Variants in PDS5A observed in about 807,000 individuals in gnomAD.
The protein encoded by PDS5A is sister chromatid cohesion protein PDS5 homolog A.
PDS5A carries 42 observed loss-of-function variants against 167.1 expected under a neutral mutation model. The ratio of observed to expected loss-of-function variants is 0.25; its 90% CI spans 0.20 to 0.33. The LOEUF (loss-of-function observed/expected upper bound fraction) is 0.33, where lower values mean the gene tolerates loss of function less well. Ranked by LOEUF, PDS5A falls within the 10% of genes least tolerant of loss-of-function variation. PDS5A has a pLI of 1.00. For synonymous variants in PDS5A, 553 were observed against 554.6 expected (o/e 1.00, Z 0.04); for missense variants, 1,033 against 1,605.9 (o/e 0.64, Z 6.10).
intron 2 of PDS5A, chr4:39,973,543 A>G: frequency 7.6e-7 from 1 of 1,312,558 alleles, no homozygotes; most frequent in Non-Finnish European, 1.1e-6. Context: ...TACAATCACT[A>G]GTGCAAAGGC....
chr4:39,971,528 T>C (rs1478958398), intron 2 of PDS5A, among the ~76,000 whole-genome samples: 1 of 152,088 alleles, frequency 6.6e-6, no homozygotes, highest in African/African-American at 2.4e-5. Context: ...AGTGGCATAA[T>C]GCCTCACTGC....
At chr4:39,957,643 G>A (rs1345238051) in intron 2 of PDS5A, among the ~76,000 whole-genome samples, 3 of 151,990 alleles carry the variant, frequency 2.0e-5, no homozygotes, top group Admixed American at 6.6e-5. Flanking sequence ...AAAATTAGCC[G>A]GGCGTGGTGG....
intron 26 of PDS5A, among the ~76,000 whole-genome samples, chr4:39,854,633 CCCACAATAGCAG>C: frequency 6.6e-6 from 1 of 152,150 alleles, no homozygotes; most frequent in Non-Finnish European, 1.5e-5. Context: ...TCTAGGTACT[CCCACAATAGCAG>C]AGCATATATC....
intron 2 of PDS5A, among the ~76,000 whole-genome samples, chr4:39,963,914 T>TC (rs1560523280): frequency 6.6e-6 from 1 of 151,888 alleles, no homozygotes; most frequent in African/African-American, 2.4e-5. Context: ...AAATTAGCTT[T>TC]TTTTTCCCCC....
intron 2 of PDS5A, among the ~76,000 whole-genome samples, chr4:39,959,953 A>G (rs903435940): frequency 3.9e-5 from 6 of 152,082 alleles, no homozygotes; most frequent in African/African-American, 1.4e-4. Flanking sequence ...TTAGGTGGGC[A>G]TGGTGGTACG....
chr4:39,941,361 A>G (rs1727208219), intron 2 of PDS5A, among the ~76,000 whole-genome samples: 2 of 152,234 alleles, frequency 1.3e-5, no homozygotes, highest in Admixed American at 1.3e-4. Context: ...AGACAAAGTG[A>G]GTTCTGAATT....
chr4:39,975,177 G>A (rs929349413), intron 2 of PDS5A, among the ~76,000 whole-genome samples: 1 of 151,958 alleles, frequency 6.6e-6, no homozygotes, highest in South Asian at 2.1e-4. Context: ...TACTTGGGAG[G>A]CTGAGGCAGA....
intron 17 of PDS5A, among the ~76,000 whole-genome samples, chr4:39,885,541 G>C (rs760849071): frequency 1.3e-5 from 2 of 152,086 alleles, no homozygotes; most frequent in Non-Finnish European, 2.9e-5. Flanking sequence ...ACAACAGTGA[G>C]CCAGGATCGT....
rs745431846 is a variant in PDS5A, at chr4:39,862,936, T to C, written c.2904A>G (p.Ala968=). 1 of 1,613,408 alleles carries C rather than the reference T, an allele frequency of 6.2e-7. No individual in the cohort carries two copies. The highest frequency in any genetic ancestry group is 8.5e-7 in the Non-Finnish European group (1 of 1,179,744). ...TGATATTTTTCAGTAAACATTGTCG[T>C]GCGTGTGCTCTTCTCTCCTTCACAG... The part of the protein sequence containing the change: ...KDPVKERRAH[A]RQCLLKNISI... Residue 968 remains alanine, a synonymous_variant, in exon 25 of 33, where the codon GCA becomes GCG. Transcript: ENST00000303538.
intron 12 of PDS5A, among the ~76,000 whole-genome samples, chr4:39,903,184 T>C (rs2109658896): frequency 6.6e-6 from 1 of 152,378 alleles, no homozygotes; most frequent in Middle Eastern, 3.4e-3. Context: ...TCAGCCCATT[T>C]TCCATGTTGT....
chr4:39,973,077 A>G (rs1334052809), intron 2 of PDS5A: 3 of 717,932 alleles, frequency 4.2e-6, no homozygotes, highest in African/African-American at 1.8e-5. Context: ...CGATGTTTAG[A>G]TATTTTTCTT....
chr4:39,963,160 A>T (rs1729655948), intron 2 of PDS5A, among the ~76,000 whole-genome samples: 1 of 152,114 alleles, frequency 6.6e-6, no homozygotes, highest in Admixed American at 6.6e-5. Flanking sequence ...TCTCTTTTAA[A>T]AATACAAAAA....
chr4:39,883,281 A>G (rs935058998), intron 17 of PDS5A, among the ~76,000 whole-genome samples: 1 of 151,994 alleles, frequency 6.6e-6, no homozygotes, highest in African/African-American at 2.4e-5. Flanking sequence ...CCCAGGTTCA[A>G]GTGATTCTCA....
chr4:39,959,687 G>A (rs967688964), intron 2 of PDS5A, among the ~76,000 whole-genome samples: 1 of 152,176 alleles, frequency 6.6e-6, no homozygotes, highest in Admixed American at 6.5e-5. Context: ...AGGCATGGTG[G>A]TTCACACCTG....
At chr4:39,925,064 A>C (rs1390978977) in intron 5 of PDS5A, among the ~76,000 whole-genome samples, 1 of 152,144 alleles carries the variant, frequency 6.6e-6, no homozygotes, top group Non-Finnish European at 1.5e-5. Flanking sequence ...GTGAGCCAAG[A>C]TGGCACCACT....
chr4:39,904,424 C>T lies in PDS5A; in HGVS notation c.1234-233G>A, dbSNP rs1344039603. On this transcript the variant is annotated intron_variant, in intron 11 of 32. Transcript: ENST00000303538. ...CAGGATCTTGGCTCACTGCAAGCTCCGCCTCCCAGGTTCACACCATTCTCC... is the reference window on the plus strand; with the variant it reads ...CAGGATCTTGGCTCACTGCAAGCTCTGCCTCCCAGGTTCACACCATTCTCC... 5.3e-5 allele frequency among the ~76,000 whole-genome samples: 8 copies of T among 152,212 alleles called. No homozygotes were observed. In the East Asian group the frequency reaches 9.7e-4, roughly 18 times the overall value.
chr4:39,827,120 C>G (rs1299644017), intron 32 of PDS5A, among the ~76,000 whole-genome samples: 1 of 152,042 alleles, frequency 6.6e-6, no homozygotes, highest in Non-Finnish European at 1.5e-5. Context: ...CCTGCCTCGG[C>G]CTCTTGAGTA....
In PDS5A at chr4:39,923,638, A is replaced by AACACAC. The variant is rs10664167; in HGVS notation, c.528-896_528-891dup. Among the ~76,000 whole-genome samples, 744 of 125,284 alleles carry AACACAC rather than the reference A, an allele frequency of 5.9e-3. 10 individuals are homozygous for AACACAC. The highest frequency in any genetic ancestry group is 0.018 in the African/African-American group (664 of 36,452). 82.2% of individuals were successfully genotyped at this position (125,284 alleles called of 152,430 possible). On this transcript the variant is annotated intron_variant, in intron 5 of 32. Transcript: ENST00000303538. ...GGGACAGACCAAGACCCTGTCTCAA[A>AACACAC]ACACACACACACACACACACACACA...
chr4:39,958,528 C>G (rs1279185428), intron 2 of PDS5A, among the ~76,000 whole-genome samples: 1 of 149,178 alleles, frequency 6.7e-6, no homozygotes, highest in East Asian at 2.0e-4. Flanking sequence ...AAAAAAGGTA[C>G]GGGTAGGGAA....
Sources: allele counts gnomAD v4.1 joint callset (sites outside exome capture counted in the v4.1 genomes callset), GRCh38; gene constraint gnomAD v4.1.1; transcripts MANE v1.5; gene names NCBI Gene and HGNC (gene_info 2026-07-23, HGNC 2026-07-21).